Variants in KHDRBS2 observed in about 807,000 individuals in gnomAD.
KHDRBS2 encodes KH RNA binding domain containing, signal transduction associated 2.
A neutral mutation model predicts 44.3 loss-of-function variants in KHDRBS2; 26 were observed. The ratio of observed to expected loss-of-function variants is 0.59; its 90% CI spans 0.43 to 0.81. The LOEUF (loss-of-function observed/expected upper bound fraction) is 0.81. Among genes scored for constraint, KHDRBS2 ranks in the 40% least tolerant of loss-of-function variants. KHDRBS2 has a pLI of 0.00. For synonymous variants in KHDRBS2, 194 were observed against 151.1 expected, an observed-to-expected ratio of 1.28 and a Z score of -2.08; for missense variants, 476 against 433.1, an observed-to-expected ratio of 1.10 and a Z score of -0.88.
intron 2 of KHDRBS2, among the ~76,000 whole-genome samples, chr6:62,088,207 A>T (rs1420596629): frequency 1.3e-5 from 2 of 152,028 alleles, no homozygotes; most frequent in East Asian, 3.9e-4. Flanking sequence ...AATTCGTCAA[A>T]CTCATTCTCC....
intron 6 of KHDRBS2, among the ~76,000 whole-genome samples, chr6:61,884,202 A>G (rs1249847930): frequency 6.6e-6 from 1 of 152,098 alleles, no homozygotes; most frequent in African/African-American, 2.4e-5. Flanking sequence ...AGGATGCCTC[A>G]GAGTCTGAAT....
intron 1 of KHDRBS2, among the ~76,000 whole-genome samples, chr6:62,246,102 TTATATA>T (rs150717074): frequency 0.015 from 1,865 of 124,314 alleles, 33 homozygotes; most frequent in East Asian, 0.049. Context: ...TCAATCAATT[TTATATA>T]TATATATATA....
chr6:62,263,021 G>C (rs1838619067), intron 1 of KHDRBS2, among the ~76,000 whole-genome samples: 1 of 151,664 alleles, frequency 6.6e-6, no homozygotes, highest in Non-Finnish European at 1.5e-5. Flanking sequence ...CAAAGCTTGA[G>C]TATAAACACT....
At chr6:61,833,136 T>G (rs1440960759) in intron 6 of KHDRBS2, among the ~76,000 whole-genome samples, 2 of 152,150 alleles carry the variant, frequency 1.3e-5, no homozygotes, top group African/African-American at 4.8e-5. Flanking sequence ...CCAGAATAGG[T>G]GCTTAAAAGA....
At chr6:62,088,271 A>G (rs1290461001) in intron 2 of KHDRBS2, among the ~76,000 whole-genome samples, 8 of 152,182 alleles carry the variant, frequency 5.3e-5, no homozygotes, top group Non-Finnish European at 1.2e-4. Flanking sequence ...TTGGAGGAGA[A>G]GAGGCATTCT....
intron 3 of KHDRBS2, among the ~76,000 whole-genome samples, chr6:62,019,508 T>C (rs1781857935): frequency 6.6e-6 from 1 of 152,114 alleles, no homozygotes; most frequent in African/African-American, 2.4e-5. Flanking sequence ...CTGGTATATC[T>C]TGTGTAGAAT....
Position 61,969,332 on chromosome 6 carries a change from T to C in KHDRBS2, c.483+8734A>G, listed in dbSNP as rs543486291. ...ACTAACATGCACAGTTACTAGCAGATTGTTAATCATAACAATTCAGTACAC... is the reference window on the plus strand; with the variant it reads ...ACTAACATGCACAGTTACTAGCAGACTGTTAATCATAACAATTCAGTACAC... On this transcript the variant is annotated intron_variant, in intron 4 of 8. Coordinates refer to ENST00000281156, the MANE Select transcript of KHDRBS2 (RefSeq NM_152688.4). Among the ~76,000 whole-genome samples the C allele has an allele frequency of 3.3e-5, 5 of 152,162 alleles. No individual in the cohort carries two copies. The South Asian group carries it at 1.0e-3, about 31-fold the overall frequency.
the KHDRBS2 span, among the ~76,000 whole-genome samples, chr6:61,594,239 A>T: frequency 1.0e-5 from 1 of 97,400 alleles, no homozygotes; most frequent in Non-Finnish European, 2.4e-5. Flanking sequence ...AATGAGCAAC[A>T]GTTTAAACAA....
intron 2 of KHDRBS2, among the ~76,000 whole-genome samples, chr6:62,071,484 T>G (rs1056111576): frequency 3.3e-5 from 5 of 152,124 alleles, no homozygotes; most frequent in African/African-American, 9.7e-5. Flanking sequence ...GTCTAACATT[T>G]AAGTCTTTAA....
chr6:62,093,065 A>T (rs1280368439), intron 2 of KHDRBS2, among the ~76,000 whole-genome samples: 1 of 152,016 alleles, frequency 6.6e-6, no homozygotes, highest in Non-Finnish European at 1.5e-5. Context: ...ACATATTTGT[A>T]TGTCTTATTC....
the KHDRBS2 span, among the ~76,000 whole-genome samples, chr6:61,640,563 C>T: frequency 6.6e-6 from 1 of 152,076 alleles, no homozygotes; most frequent in Non-Finnish European, 1.5e-5. Context: ...TGGATTTTCA[C>T]TGTTCTCTAA....
At chr6:61,798,631 T>A (rs1785764730) in intron 6 of KHDRBS2, among the ~76,000 whole-genome samples, 2 of 152,050 alleles carry the variant, frequency 1.3e-5, no homozygotes, top group South Asian at 4.1e-4. Flanking sequence ...GCCACCACAA[T>A]CATCATAAAT....
intron 6 of KHDRBS2, among the ~76,000 whole-genome samples, chr6:61,774,273 T>C (rs924597128): frequency 2.0e-5 from 3 of 152,222 alleles, no homozygotes; most frequent in Admixed American, 1.3e-4. Flanking sequence ...TTCCTACCCA[T>C]GAGCATGGAA....
At chr6:61,695,573 G>A (rs941489837) in intron 8 of KHDRBS2, among the ~76,000 whole-genome samples, 3 of 151,996 alleles carry the variant, frequency 2.0e-5, no homozygotes, top group African/African-American at 2.4e-5. Context: ...TTCAACCACC[G>A]ATGAGAATAT....
chr6:62,211,600 T>C (rs1312164163), intron 1 of KHDRBS2, among the ~76,000 whole-genome samples: 1 of 152,318 alleles, frequency 6.6e-6, no homozygotes, highest in East Asian at 1.9e-4. Context: ...CTGGTTCAAA[T>C]GACTTTTTAA....
At chr6:62,091,378 C>T (rs917772169) in intron 2 of KHDRBS2, among the ~76,000 whole-genome samples, 16 of 152,200 alleles carry the variant, frequency 1.1e-4, no homozygotes, top group African/African-American at 3.9e-4. Context: ...TACTCTGTTG[C>T]TATTCATAAG....
chr6:61,639,918 A>T, the KHDRBS2 span, among the ~76,000 whole-genome samples: 1 of 152,068 alleles, frequency 6.6e-6, no homozygotes. Context: ...AGATATAATA[A>T]CCAAATAATC....
the KHDRBS2 span, among the ~76,000 whole-genome samples, chr6:61,586,309 GC>G: frequency 2.0e-5 from 3 of 152,256 alleles, no homozygotes; most frequent in African/African-American, 7.2e-5. Context: ...TCAGAACATT[GC>G]CCCTTTAGTG....
intron 6 of KHDRBS2, among the ~76,000 whole-genome samples, chr6:61,846,934 T>C (rs1335036188): frequency 1.3e-5 from 2 of 152,122 alleles, no homozygotes; most frequent in African/African-American, 2.4e-5. Context: ...TCTAGTAATA[T>C]GATAGCTATC....
Sources: allele counts gnomAD v4.1 joint callset (sites outside exome capture counted in the v4.1 genomes callset), GRCh38; gene constraint gnomAD v4.1.1; transcripts MANE v1.5; gene names NCBI Gene and HGNC (gene_info 2026-07-23, HGNC 2026-07-21).